RNF34: variants seen among roughly 807,000 people sequenced by gnomAD.
RNF34 encodes ring finger protein 34.
RNF34 carries 12 observed loss-of-function variants against 37.9 expected under a neutral mutation model. The ratio of observed to expected loss-of-function variants is 0.32; its 90% CI spans 0.20 to 0.51. RNF34 has a LOEUF of 0.51. Among genes scored for constraint, RNF34 ranks in the 20% least tolerant of loss-of-function variants. The pLI is 0.97. For missense variants in RNF34, 362 were observed against 472.7 expected (o/e 0.77, Z 2.17); for synonymous variants, 155 against 177.2 (o/e 0.87, Z 1.00).
At chr12:121,419,977 T>G (rs538989285) in intron 3 of RNF34, 1 of 337,276 alleles carries the variant, frequency 3.0e-6, no homozygotes, top group Non-Finnish European at 5.7e-6. Context: ...TTATGGGACC[T>G]TCCTGAGAGA....
At chr12:121,409,171 G>A (rs782099725) in intron 1 of RNF34, among the ~76,000 whole-genome samples, 96 of 152,102 alleles carry the variant, frequency 6.3e-4, no homozygotes, top group Admixed American at 1.1e-3. Flanking sequence ...GTAGAGACGG[G>A]GTTTTACCAT....
rs35925457 is a variant in RNF34 at position 121,421,371 on chromosome 12, T to TACAAAAAAAA, written c.928+594_928+595insCAAAAAAAAA. 4.3e-4 allele frequency among the ~76,000 whole-genome samples: 20 copies of TACAAAAAAAA among 46,370 alleles called. 4 individuals are homozygous for TACAAAAAAAA. Among genetic ancestry groups the TACAAAAAAAA allele is most frequent in the African/African-American group, 1.2e-3 (18 of 14,726 alleles). The allele number at this position is 46,370 out of a possible 152,430, so 30.4% of individuals were successfully genotyped here. A position where few individuals can be genotyped will look rare whatever the true frequency, so the allele number is the denominator to read the frequency against. ...GGGCAACATAGAGAGATCCCATCTCTAAAAAAAAAAAAAAAAAAAAAAAAA... is the reference window on the plus strand; with the variant it reads ...GGGCAACATAGAGAGATCCCATCTCTACAAAAAAAAAAAAAAAAAAAAAAAAAAAAAAAAA... On this transcript the variant is annotated intron_variant, in intron 5 of 5. Transcript: ENST00000361234.
At chr12:121,404,636 G>A (rs111388380) in intron 1 of RNF34, among the ~76,000 whole-genome samples, 1 of 151,866 alleles carries the variant, frequency 6.6e-6, no homozygotes, top group Non-Finnish European at 1.5e-5. Context: ...AGTGATTCTG[G>A]CCTCCTAAAG....
In RNF34 at chr12:121,417,321, C is replaced by T. The variant is rs1341244427; in HGVS notation, c.226-183C>T. On this transcript the variant is annotated intron_variant, in intron 2 of 5. Coordinates refer to ENST00000361234, the MANE Select transcript of RNF34 (RefSeq NM_025126.4). This position sits in a 1 kb window ranked among gnomAD's most constrained non-coding sequence, Gnocchi z 5.0. Reference sequence around the variant, plus strand: ...TTAGAACTTCTGTGAATCCAGACTGCCTTGGCAATGAATATTTTGATTTTC... The same window carrying T: ...TTAGAACTTCTGTGAATCCAGACTGTCTTGGCAATGAATATTTTGATTTTC... 6.6e-6 allele frequency among the ~76,000 whole-genome samples: 1 copy of T among 152,172 alleles called. No homozygotes were observed. Among genetic ancestry groups the T allele is most frequent in the Non-Finnish European group, 1.5e-5 (1 of 68,036 alleles).
In RNF34 at chr12:121,423,367, GCT is replaced by G. The variant is rs782249348; in HGVS notation, c.929-14_929-13del. ...GGCCATGCCTGAAGCCGAGGCCTTA[GCT>G]CTCTGTTGCCTTTCAGATGGCGAGC... On this transcript the variant is annotated splice_polypyrimidine_tract_variant and intron_variant, in intron 5 of 5. Transcript: ENST00000361234. This position sits in a 1 kb window ranked among gnomAD's most constrained non-coding sequence, Gnocchi z 4.3. 3 of 1,583,902 alleles carry G rather than the reference GCT, an allele frequency of 1.9e-6. No individual in the cohort carries two copies. Among genetic ancestry groups the G allele is most frequent in the African/African-American group, 1.3e-5 (1 of 74,516 alleles).
Position 121,417,803 on chromosome 12 carries a change from T to G in RNF34, c.525T>G (p.Phe175Leu), listed in dbSNP as rs782683123. The change falls in exon 3 of 6, where the codon TTT becomes TTG. Residue 175 changes from phenylalanine (F) to leucine (L), a missense_variant. Coordinates refer to ENST00000361234, the MANE Select transcript of RNF34 (RefSeq NM_025126.4). The surrounding 1 kb of genome is among the most constrained non-coding windows in gnomAD (Gnocchi z 5.0). ...NSSRSQTSSFFTRSFFSNYTA... is the reference protein window; with the variant it reads ...NSSRSQTSSFLTRSFFSNYTA... ...CAAGGTCCCAGACTTCTAGCTTTTT[T>G]ACACGTTCGTTTTTTTCAAACTATA... 12 of 1,614,124 alleles carry G rather than the reference T, an allele frequency of 7.4e-6. No homozygotes were observed. The highest frequency in any genetic ancestry group is 1.0e-5 in the Non-Finnish European group (12 of 1,180,056).
rs1555282460 is a variant in RNF34 at position 121,417,785 on chromosome 12, C to T, written c.507C>T (p.Ser169=). The T allele has an allele frequency of 1.2e-6, 2 of 1,614,100 alleles. No homozygotes were observed. The highest frequency in any genetic ancestry group is 3.3e-5 in the Admixed American group (2 of 60,008). Residue 169 remains serine, a synonymous_variant, in exon 3 of 6, where the codon TCC becomes TCT. Transcript: ENST00000361234. The surrounding 1 kb of genome is among the most constrained non-coding windows in gnomAD (Gnocchi z 5.0). ...MDTSSLNSSR[S]QTSSFFTRSF... is the part of the protein sequence containing the mutation. ...CAAGCAGTCTGAATTCTTCAAGGTC[C>T]CAGACTTCTAGCTTTTTTACACGTT... is the stretch of plus-strand genomic sequence containing the variant.
Position 121,423,290 on chromosome 12 carries a change from T to G in RNF34, c.929-96T>G. 1 of 892,736 alleles carries G rather than the reference T, an allele frequency of 1.1e-6. No homozygotes were observed. The highest frequency in any genetic ancestry group is 1.7e-6 in the Non-Finnish European group (1 of 583,540). 55.3% of individuals were successfully genotyped at this position (892,736 alleles called of 1,614,324 possible). A position where few individuals can be genotyped will look rare whatever the true frequency, so the allele number is the denominator to read the frequency against. On this transcript the variant is annotated intron_variant, in intron 5 of 5. Coordinates refer to ENST00000361234, the MANE Select transcript of RNF34 (RefSeq NM_025126.4). This position sits in a 1 kb window ranked among gnomAD's most constrained non-coding sequence, Gnocchi z 4.3. ...TGGGGTGGCATTGGGCCTGCAGGGG[T>G]CATTCAGCAGGTGGCTGCTCAGCTT... is the stretch of plus-strand genomic sequence containing the variant.
At chr12:121,408,163 A>G (rs1415115810) in intron 1 of RNF34, among the ~76,000 whole-genome samples, 1 of 152,114 alleles carries the variant, frequency 6.6e-6, no homozygotes, top group African/African-American at 2.4e-5. Flanking sequence ...ATAAATGGCC[A>G]GGTGTGGTGG....
chr12:121,403,358 T>C (rs1172376904), intron 1 of RNF34, among the ~76,000 whole-genome samples: 7 of 147,594 alleles, frequency 4.7e-5, no homozygotes, highest in Admixed American at 2.1e-4. Flanking sequence ...ATTGCGCCAC[T>C]GCACTCCAGC....
chr12:121,422,600 A>G (rs1463944494), intron 5 of RNF34, among the ~76,000 whole-genome samples: 3 of 152,244 alleles, frequency 2.0e-5, no homozygotes, highest in African/African-American at 7.2e-5. Flanking sequence ...TCTAGAGACT[A>G]CTGACCTTTC....
Position 121,423,485 on chromosome 12 carries a change from T to C in RNF34, c.1028T>C (p.Met343Thr). ...TGTGTCCTACTGGAGTGTGGGCACA[T>C]GGTTACCTGCACCAAGTGCGGCAAG... is the stretch of plus-strand genomic sequence containing the variant. ...IDCVLLECGHMVTCTKCGKRM... is the reference protein window; with the variant it reads ...IDCVLLECGHTVTCTKCGKRM... The change falls in exon 6 of 6, where the codon ATG (methionine) becomes ACG (threonine). Residue 343 changes from methionine (M) to threonine (T), a missense_variant. Met to Thr is a moderately conservative substitution (Grantham distance 81, BLOSUM62 -1). Transcript: ENST00000361234. This position sits in a 1 kb window ranked among gnomAD's most constrained non-coding sequence, Gnocchi z 4.3. The C allele has an allele frequency of 1.2e-6, 2 of 1,614,130 alleles. No individual in the cohort carries two copies. Among genetic ancestry groups the C allele is most frequent in the Non-Finnish European group, 1.7e-6 (2 of 1,179,988 alleles).
At chr12:121,419,314 G>T (rs1425116967) in intron 3 of RNF34, among the ~76,000 whole-genome samples, 1 of 152,202 alleles carries the variant, frequency 6.6e-6, no homozygotes, top group African/African-American at 2.4e-5. Context: ...ATCTAGGTTT[G>T]TGGAAGTACA....
Position 121,423,285 on chromosome 12 carries a change from AG to A in RNF34, c.929-97del, listed in dbSNP as rs1397610329. The A allele has an allele frequency of 2.4e-6, 2 of 843,782 alleles. No individual in the cohort carries two copies. The highest frequency in any genetic ancestry group is 3.7e-6 in the Non-Finnish European group (2 of 539,472). 52.3% of individuals were successfully genotyped at this position (843,782 alleles called of 1,614,324 possible). A position where few individuals can be genotyped will look rare whatever the true frequency, so the allele number is the denominator to read the frequency against. On this transcript the variant is annotated intron_variant, in intron 5 of 5. Transcript: ENST00000361234. This position sits in a 1 kb window ranked among gnomAD's most constrained non-coding sequence, Gnocchi z 4.3. ...AACACTGGGGTGGCATTGGGCCTGCAGGGGTCATTCAGCAGGTGGCTGCTCA... is the reference window on the plus strand; with the variant it reads ...AACACTGGGGTGGCATTGGGCCTGCAGGGTCATTCAGCAGGTGGCTGCTCA...
intron 1 of RNF34, among the ~76,000 whole-genome samples, chr12:121,401,735 T>G (rs1346215844): frequency 6.6e-6 from 1 of 152,198 alleles, no homozygotes; most frequent in Non-Finnish European, 1.5e-5. Flanking sequence ...GTTGAAATTT[T>G]TAAACAAGTT....
At chr12:121,420,213 A>T in intron 3 of RNF34, 29 bp from the exon 4 acceptor site, 1 of 1,604,228 alleles carries the variant, frequency 6.2e-7, no homozygotes, top group Non-Finnish European at 8.5e-7. Context: ...TTGATTCCTG[A>T]CCTAATCAGA....
chr12:121,407,537 G>A (rs570556065), intron 1 of RNF34, among the ~76,000 whole-genome samples: 3 of 152,340 alleles, frequency 2.0e-5, no homozygotes, highest in African/African-American at 4.8e-5. Flanking sequence ...CTGCAAATTC[G>A]GAAGCCCAAG....
intron 1 of RNF34, 145 bp from the exon 2 acceptor site, chr12:121,416,014 G>T: frequency 1.6e-6 from 1 of 615,264 alleles, no homozygotes; most frequent in Non-Finnish European, 2.9e-6. Context: ...TTTCCAAATG[G>T]CTTGAAATTT....
intron 3 of RNF34, 128 bp downstream of exon 3, chr12:121,418,039 C>G: frequency 1.0e-6 from 1 of 991,688 alleles, no homozygotes; most frequent in East Asian, 2.4e-5. Context: ...GCTTCCACAC[C>G]CAGCTGAACT....
Sources: gnomAD v4.1 joint callset for allele counts (sites outside exome capture counted in the v4.1 genomes callset) on GRCh38, gnomAD v4.1.1 for gene constraint, Gnocchi (gnomAD v3.1) non-coding constraint, MANE v1.5 for transcripts, NCBI Gene and HGNC (gene_info 2026-07-23, HGNC 2026-07-21) for gene names.